Variants in RADIL observed in about 807,000 individuals in gnomAD.
The protein encoded by RADIL is ras-associating and dilute domain-containing protein.
A neutral mutation model predicts 97.6 loss-of-function variants in RADIL; 99 were observed. The observed-to-expected ratio is 1.01, with a 90% CI of 0.86 to 1.20. The LOEUF is 1.20. Ranked by LOEUF, RADIL falls within the 50% of genes most tolerant of loss-of-function variation. The probability of loss-of-function intolerance (pLI) is 0.00; values close to 1 mark genes in which losing one functional copy is unlikely to be tolerated. For synonymous variants in RADIL, 803 were observed against 691.8 expected, an observed-to-expected ratio of 1.16 and a Z score of -2.52; for missense variants, 1,765 against 1,498.9, an observed-to-expected ratio of 1.18 and a Z score of -2.93.
rs1356278294 is a variant in RADIL at position 4,880,714 on chromosome 7, C to CA, written c.-64-2512dup. On this transcript the variant is annotated intron_variant, in intron 1 of 14. Coordinates refer to ENST00000399583, the MANE Select transcript of RADIL (RefSeq NM_018059.5). The surrounding 1 kb of genome is among the most constrained non-coding windows in gnomAD (Gnocchi z 4.5). The stretch of plus-strand genomic sequence containing the variant: ...GGATGGTACAGCCTCTGCCACCAGG[C>CA]AGCTGTGGCTCAGGAAACCTCTGCC... 6.6e-6 allele frequency among the ~76,000 whole-genome samples: 1 copy of CA among 152,226 alleles called. No individual in the cohort carries two copies. The highest frequency in any genetic ancestry group is 2.4e-5 in the African/African-American group (1 of 41,454).
intron 4 of RADIL, 39 bp from the exon 5 acceptor site, chr7:4,832,217 A>T (rs745326642): frequency 1.3e-6 from 2 of 1,585,174 alleles, no homozygotes; most frequent in Non-Finnish European, 1.7e-6. Flanking sequence ...AGTGAGCAAA[A>T]CAGGCTAACA....
chr7:4,877,885 G>A lies in RADIL; in HGVS notation c.255C>T (p.Gly85=), dbSNP rs1430013833. 6.2e-7 allele frequency: 1 copy of A among 1,605,410 alleles called. No homozygotes were observed. The highest frequency in any genetic ancestry group is 1.7e-5 in the Admixed American group (1 of 60,020). Residue 85 remains glycine, a synonymous_variant, in exon 2 of 15, where the codon GGC becomes GGT. Coordinates refer to ENST00000399583, the MANE Select transcript of RADIL (RefSeq NM_018059.5). ...GTHYKSVLAT[G]TSSARELVKE... ...TCACCAGCTCACGGGCGCTGGAGGT[G>A]CCGGTGGCCAGGACGCTCTTGTAGT...
intron 5 of RADIL, among the ~76,000 whole-genome samples, chr7:4,828,246 G>A (rs931821792): frequency 1.4e-4 from 21 of 152,320 alleles, no homozygotes; most frequent in South Asian, 4.1e-4. Flanking sequence ...CTGCTTGAGC[G>A]CAGGAGTTCG....
chr7:4,878,215 A>T lies in RADIL; in HGVS notation c.-64-12T>A. 1 of 1,411,918 alleles carries T rather than the reference A, an allele frequency of 7.1e-7. No individual in the cohort carries two copies. Among genetic ancestry groups the T allele is most frequent in the Non-Finnish European group, 9.4e-7 (1 of 1,069,246 alleles). 87.5% of individuals were successfully genotyped at this position (1,411,918 alleles called of 1,614,324 possible). ...GGGGAGGCCGTGACCTGGGTGAAAA[A>T]GTGAGAGAGGTTAGCGCCAACCATC... On this transcript the variant is annotated splice_polypyrimidine_tract_variant and intron_variant, in intron 1 of 14. Coordinates refer to ENST00000399583, the MANE Select transcript of RADIL (RefSeq NM_018059.5). This position sits in a 1 kb window ranked among gnomAD's most constrained non-coding sequence, Gnocchi z 4.1.
chr7:4,821,214 G>A lies in RADIL; in HGVS notation c.1615+1180C>T, dbSNP rs955170860. 1.3e-5 allele frequency among the ~76,000 whole-genome samples: 2 copies of A among 152,162 alleles called. No individual in the cohort carries two copies. The highest frequency in any genetic ancestry group is 2.4e-5 in the African/African-American group (1 of 41,432). ...GATCCTCCAGAAGCCAGACCGCCAC[G>A]CCACGGCCACTCAGGACCCTCTGGC... On this transcript the variant is annotated intron_variant, in intron 6 of 14. Coordinates refer to ENST00000399583, the MANE Select transcript of RADIL (RefSeq NM_018059.5). This position sits in a 1 kb window ranked among gnomAD's most constrained non-coding sequence, Gnocchi z 5.2.
chr7:4,822,144 C>T lies in RADIL; in HGVS notation c.1615+250G>A, dbSNP rs1349090294. ...AGGGGACGCCACCGCACGGAGCACA[C>T]GGGATGATGGGGACAGACTGAGTGC... On this transcript the variant is annotated intron_variant, in intron 6 of 14. Transcript: ENST00000399583. This position sits in a 1 kb window ranked among gnomAD's most constrained non-coding sequence, Gnocchi z 5.3. Among the ~76,000 whole-genome samples, 7 of 152,034 alleles carry T rather than the reference C, an allele frequency of 4.6e-5. No individual in the cohort carries two copies. The highest frequency in any genetic ancestry group is 1.9e-4 in the East Asian group (1 of 5,156).
At chr7:4,855,757 C>T (rs1037664507) in intron 2 of RADIL, among the ~76,000 whole-genome samples, 2 of 150,610 alleles carry the variant, frequency 1.3e-5, no homozygotes, top group Non-Finnish European at 3.0e-5. Context: ...TGCTTATGCG[C>T]TTCTTTGGCC....
intron 2 of RADIL, among the ~76,000 whole-genome samples, chr7:4,869,342 C>T (rs1444213222): frequency 2.0e-5 from 3 of 152,252 alleles, no homozygotes; most frequent in East Asian, 1.9e-4. Flanking sequence ...TTATGTTGCT[C>T]GGGCTGGGCT....
chr7:4,800,074 G>A (rs1338759795), intron 13 of RADIL, 97 bp downstream of exon 13: 4 of 1,435,900 alleles, frequency 2.8e-6, no homozygotes, highest in African/African-American at 1.4e-5. Flanking sequence ...AGGCCTTCCT[G>A]TAGCCACGTG....
rs781770025 is a variant in RADIL, at chr7:4,836,407, A to G, written c.734T>C (p.Leu245Pro). The G allele has an allele frequency of 1.9e-6, 3 of 1,580,418 alleles. No homozygotes were observed. In the African/African-American group the frequency reaches 4.0e-5, roughly 21 times the overall value. Residue 245 changes from leucine (L) to proline (P), a missense_variant, in exon 3 of 15, where the codon CTG becomes CCG. By Grantham distance (98) the Leu-to-Pro change is moderately conservative. Transcript: ENST00000399583. ...AAGGAGCAGATGCGGGGACTGGTAC[A>G]GCGAGTACCGCATGGCGTCGGGGCC... ...EPGPDAMRYS[L>P]YQSPHLLLLQ...
In RADIL at chr7:4,799,350, G is replaced by A; in HGVS notation, c.*28C>T. The A allele has an allele frequency of 1.2e-6, 2 of 1,608,096 alleles. No individual in the cohort carries two copies. Among genetic ancestry groups the A allele is most frequent in the African/African-American group, 1.3e-5 (1 of 74,892 alleles). On this transcript the variant is annotated 3_prime_UTR_variant, in exon 15 of 15. Transcript: ENST00000399583. Reference sequence around the variant, plus strand: ...TGTCACCAGGTGGGACCGGGTGCCGGGCCTGTGGGGGTGTCCTCGCAGCCC... The same window carrying A: ...TGTCACCAGGTGGGACCGGGTGCCGAGCCTGTGGGGGTGTCCTCGCAGCCC...
In RADIL at chr7:4,815,510, G is replaced by A. The variant is rs1346660452; in HGVS notation, c.1967-60C>T. ...TGCCCTCCTGGGGGGACACAGACATGGGCCTGTCCCCAGAGCCTGCCCTTC... is the reference window on the plus strand; with the variant it reads ...TGCCCTCCTGGGGGGACACAGACATAGGCCTGTCCCCAGAGCCTGCCCTTC... On this transcript the variant is annotated intron_variant, in intron 8 of 14. Transcript: ENST00000399583. This position sits in a 1 kb window ranked among gnomAD's most constrained non-coding sequence, Gnocchi z 8.0. 7 of 1,426,018 alleles carry A rather than the reference G, an allele frequency of 4.9e-6. No homozygotes were observed. In the South Asian group the frequency reaches 6.0e-5, roughly 12 times the overall value. 88.3% of individuals were successfully genotyped at this position (1,426,018 alleles called of 1,614,324 possible).
chr7:4,831,218 G>C (rs538487137), intron 5 of RADIL, among the ~76,000 whole-genome samples: 2 of 150,366 alleles, frequency 1.3e-5, no homozygotes, highest in Non-Finnish European at 3.0e-5. Context: ...AAAAAAGCAC[G>C]AGATCATGTC....
chr7:4,846,717 C>T lies in RADIL; in HGVS notation c.536-10112G>A, dbSNP rs559886979. On this transcript the variant is annotated intron_variant, in intron 2 of 14. Transcript: ENST00000399583. ...TGTGCCACCATGCCTGGCTAATTTT[C>T]GTATTTTTAGTAGAGATGGGGTTTC... is the stretch of plus-strand genomic sequence containing the variant. Among the ~76,000 whole-genome samples the T allele has an allele frequency of 2.3e-3, 351 of 150,724 alleles. 1 individual carries two copies. Among genetic ancestry groups the T allele is most frequent in the African/African-American group, 8.2e-3 (336 of 41,138 alleles).
chr7:4,844,453 A>G (rs148884577), intron 2 of RADIL, among the ~76,000 whole-genome samples: 405 of 152,344 alleles, frequency 2.7e-3, no homozygotes, highest in African/African-American at 9.3e-3. Context: ...AAAAAAAACA[A>G]GAAAAGAAAA....
chr7:4,860,482 C>T, intron 2 of RADIL: 1 of 1,614,068 alleles, frequency 6.2e-7, no homozygotes, highest in South Asian at 1.1e-5. Flanking sequence ...GCTTTTTTAG[C>T]CCTAACCCAA....
chr7:4,809,951 C>T (rs1284905297), intron 9 of RADIL, among the ~76,000 whole-genome samples: 3 of 151,416 alleles, frequency 2.0e-5, no homozygotes, highest in Admixed American at 2.0e-4. Flanking sequence ...CTCCCGGGTT[C>T]CAGTGATTCA....
chr7:4,807,400 T>A (rs1474238058), intron 9 of RADIL, among the ~76,000 whole-genome samples: 1 of 152,014 alleles, frequency 6.6e-6, no homozygotes, highest in Admixed American at 6.5e-5. Context: ...CTCACTTCTG[T>A]GCTTGGTCCG....
Position 4,799,677 on chromosome 7 carries a change from A to T in RADIL, c.3075T>A (p.Arg1025=). Residue 1025 remains arginine, a synonymous_variant, in exon 14 of 15, where the codon CGT becomes CGA. Coordinates refer to ENST00000399583, the MANE Select transcript of RADIL (RefSeq NM_018059.5). ...GGCTGCTGCCATTCACCTCCAGGATACGGTCCCCCAGCGACAGGCGCCCGT... is the reference window on the plus strand; with the variant it reads ...GGCTGCTGCCATTCACCTCCAGGATTCGGTCCCCCAGCGACAGGCGCCCGT... ...AADGRLSLGD[R]ILEVNGSSLL... The T allele has an allele frequency of 6.3e-7, 1 of 1,592,394 alleles. No homozygotes were observed. The highest frequency in any genetic ancestry group is 1.1e-5 in the South Asian group (1 of 88,372).
Sources: gnomAD v4.1 joint callset for allele counts (sites outside exome capture counted in the v4.1 genomes callset) on GRCh38, gnomAD v4.1.1 for gene constraint, Gnocchi (gnomAD v3.1) non-coding constraint, MANE v1.5 for transcripts, NCBI Gene and HGNC (gene_info 2026-07-23, HGNC 2026-07-21) for gene names.